Variants in IGF2BP2 observed in about 807,000 individuals in gnomAD.
The protein encoded by IGF2BP2 is insulin-like growth factor 2 mRNA-binding protein 2.
A neutral mutation model predicts 75.8 loss-of-function variants in IGF2BP2; 17 were observed. The observed-to-expected ratio is 0.22, with a 90% CI of 0.15 to 0.34. IGF2BP2 has a LOEUF of 0.34. Among genes scored for constraint, IGF2BP2 ranks in the 10% least tolerant of loss-of-function variants. IGF2BP2 has a pLI of 1.00. For synonymous variants in IGF2BP2, 288 were observed against 295.6 expected (o/e 0.97, Z 0.26); for missense variants, 516 against 772.4 (o/e 0.67, Z 3.93).
rs558861033 is a variant in IGF2BP2, at chr3:185,759,181, C to T, written c.240-60834G>A. On this transcript the variant is annotated intron_variant, in intron 2 of 15. Coordinates refer to ENST00000382199, the MANE Select transcript of IGF2BP2 (RefSeq NM_006548.6). ...ATACATGTTACTATGAATAAGAGTG[C>T]CAGTCTTCACAATCAGAGAAGGAAA... Among the ~76,000 whole-genome samples the T allele has an allele frequency of 5.9e-5, 9 of 152,242 alleles. No homozygotes were observed. In the South Asian group the frequency reaches 1.5e-3, roughly 25 times the overall value.
At chr3:185,750,053 T>C (rs1016423575) in intron 2 of IGF2BP2, among the ~76,000 whole-genome samples, 9 of 152,218 alleles carry the variant, frequency 5.9e-5, no homozygotes, top group South Asian at 2.1e-4. Flanking sequence ...GGAAGACTTG[T>C]TAACAAGCAA....
chr3:185,698,772 G>A (rs1332443687), intron 2 of IGF2BP2, among the ~76,000 whole-genome samples: 1 of 151,902 alleles, frequency 6.6e-6, no homozygotes, highest in East Asian at 1.9e-4. Flanking sequence ...GGGATTACAG[G>A]TGCCCACCAC....
chr3:185,652,282 C>T (rs527535889), intron 12 of IGF2BP2, 114 bp from the exon 13 acceptor site: 21 of 832,814 alleles, frequency 2.5e-5, no homozygotes, highest in South Asian at 1.1e-4. Flanking sequence ...TTGCTTCTGC[C>T]GTTACCCCTG....
rs1374043290 is a variant in IGF2BP2 at position 185,809,432 on chromosome 3, T to G, written c.239+13721A>C. On this transcript the variant is annotated intron_variant, in intron 2 of 15. Coordinates refer to ENST00000382199, the MANE Select transcript of IGF2BP2 (RefSeq NM_006548.6). ...AGAACCTTCATACCTAAAATGCCCA[T>G]GAAGAAATGTTATTCCACTAAGGCC... Among the ~76,000 whole-genome samples, 11 of 152,292 alleles carry G rather than the reference T, an allele frequency of 7.2e-5. 1 individual carries two copies. The East Asian group carries it at 2.1e-3, about 29-fold the overall frequency.
rs541962801 is a variant in IGF2BP2, at chr3:185,680,023, T to C, written c.813-4110A>G. ...CAAATACAACCAACAAAACTAAGAG[T>C]TGGTTCTTTGAAAAGATCAACCAAA... is the stretch of plus-strand genomic sequence containing the variant. On this transcript the variant is annotated intron_variant, in intron 7 of 15. Coordinates refer to ENST00000382199, the MANE Select transcript of IGF2BP2 (RefSeq NM_006548.6). 4.6e-5 allele frequency among the ~76,000 whole-genome samples: 7 copies of C among 150,858 alleles called. No homozygotes were observed. The South Asian group carries it at 1.1e-3, about 23-fold the overall frequency.
chr3:185,647,236 A>C lies in IGF2BP2; in HGVS notation c.1594-98T>G. 1 of 867,732 alleles carries C rather than the reference A, an allele frequency of 1.2e-6. No individual in the cohort carries two copies. Among genetic ancestry groups the C allele is most frequent in the East Asian group, 2.4e-5 (1 of 41,214 alleles). The allele number at this position is 867,732 out of a possible 1,614,324, so 53.8% of individuals were successfully genotyped here. Reference sequence around the variant, plus strand: ...AGGGGCCAAGAGGTGGAGCAGGGGAAGGAGGGGGGCTGGACTCTGCTCTCC... The same window carrying C: ...AGGGGCCAAGAGGTGGAGCAGGGGACGGAGGGGGGCTGGACTCTGCTCTCC... On this transcript the variant is annotated intron_variant, in intron 14 of 15. Coordinates refer to ENST00000382199, the MANE Select transcript of IGF2BP2 (RefSeq NM_006548.6). This position sits in a 1 kb window ranked among gnomAD's most constrained non-coding sequence, Gnocchi z 4.9.
intron 2 of IGF2BP2, among the ~76,000 whole-genome samples, chr3:185,780,664 T>C (rs1462536024): frequency 6.6e-6 from 1 of 152,182 alleles, no homozygotes; most frequent in Non-Finnish European, 1.5e-5. Context: ...CCTGAAAACA[T>C]GTTATATACG....
intron 2 of IGF2BP2, among the ~76,000 whole-genome samples, chr3:185,760,969 T>G (rs1301198839): frequency 6.6e-6 from 1 of 152,204 alleles, no homozygotes; most frequent in Non-Finnish European, 1.5e-5. Context: ...TTTCTTATAT[T>G]TTCTTATACT....
intron 2 of IGF2BP2, among the ~76,000 whole-genome samples, chr3:185,777,215 G>A (rs1036480678): frequency 2.0e-5 from 3 of 152,128 alleles, no homozygotes; most frequent in African/African-American, 7.2e-5. Context: ...TTTACCATAG[G>A]CTAGTTAATA....
chr3:185,681,797 T>A (rs754719991), intron 7 of IGF2BP2, among the ~76,000 whole-genome samples: 1 of 152,208 alleles, frequency 6.6e-6, no homozygotes, highest in Non-Finnish European at 1.5e-5. Context: ...GATAAGGTGC[T>A]GAGACCACTA....
intron 2 of IGF2BP2, among the ~76,000 whole-genome samples, chr3:185,705,456 T>C (rs909142098): frequency 4.0e-5 from 6 of 151,424 alleles, no homozygotes; most frequent in African/African-American, 1.2e-4. Flanking sequence ...CCTGGCTCTA[T>C]AAACTCATGT....
intron 2 of IGF2BP2, among the ~76,000 whole-genome samples, chr3:185,719,047 G>A (rs1726106541): frequency 6.6e-6 from 1 of 152,164 alleles, no homozygotes; most frequent in African/African-American, 2.4e-5. Flanking sequence ...CCTTGGGTGG[G>A]GAGAGGAAGC....
At chr3:185,733,062 G>A (rs1182059161) in intron 2 of IGF2BP2, among the ~76,000 whole-genome samples, 2 of 152,074 alleles carry the variant, frequency 1.3e-5, no homozygotes, top group Admixed American at 6.5e-5. Context: ...TATTCATCTA[G>A]GAACTAGGGG....
intron 7 of IGF2BP2, among the ~76,000 whole-genome samples, chr3:185,685,085 C>T (rs1720924447): frequency 1.3e-5 from 2 of 152,262 alleles, no homozygotes; most frequent in African/African-American, 2.4e-5. Context: ...CAGTGGCTCA[C>T]ACCTGTAATC....
chr3:185,646,507 T>C (rs567554209), intron 15 of IGF2BP2, among the ~76,000 whole-genome samples: 1 of 152,356 alleles, frequency 6.6e-6, no homozygotes, highest in East Asian at 1.9e-4. Context: ...GGTGCTGGCC[T>C]TTCCCAATGA....
intron 11 of IGF2BP2, 82 bp downstream of exon 11, chr3:185,658,259 G>T: frequency 7.8e-7 from 1 of 1,286,920 alleles, no homozygotes; most frequent in Non-Finnish European, 1.1e-6. Flanking sequence ...TCTGCATTGT[G>T]AACATTCACT....
At chr3:185,676,706 T>A (rs1358640886) in intron 7 of IGF2BP2, among the ~76,000 whole-genome samples, 2 of 147,254 alleles carry the variant, frequency 1.4e-5, no homozygotes, top group African/African-American at 5.0e-5. Flanking sequence ...TATATATATT[T>A]ACTGGAGATA....
chr3:185,725,738 A>G (rs1405228286), intron 2 of IGF2BP2, among the ~76,000 whole-genome samples: 5 of 152,216 alleles, frequency 3.3e-5, no homozygotes, highest in African/African-American at 9.7e-5. Context: ...TTGGGAGGCC[A>G]AAGCAGGAGG....
At chr3:185,808,871 T>C (rs1739415552) in intron 2 of IGF2BP2, among the ~76,000 whole-genome samples, 1 of 152,100 alleles carries the variant, frequency 6.6e-6, no homozygotes, top group African/African-American at 2.4e-5. Context: ...CCCAACCTAA[T>C]AGAGAGCATT....
Sources: allele counts gnomAD v4.1 joint callset (sites outside exome capture counted in the v4.1 genomes callset), GRCh38; gene constraint gnomAD v4.1.1; non-coding constraint Gnocchi (gnomAD v3.1); transcripts MANE v1.5; gene names NCBI Gene and HGNC (gene_info 2026-07-23, HGNC 2026-07-21).